Variants in GNG2 observed in about 807,000 individuals in gnomAD.
The protein encoded by GNG2 is guanine nucleotide-binding protein G(I)/G(S)/G(O) subunit gamma-2.
Under a neutral mutation model 5.5 loss-of-function variants are expected in GNG2, and 5 were observed. The observed-to-expected ratio is 0.91, with a 90% CI of 0.48 to 1.92. The LOEUF (loss-of-function observed/expected upper bound fraction) is 1.92. GNG2 is among the 30% of genes most tolerant of loss of function. The pLI is 0.01. For missense variants in GNG2, 55 were observed against 88.4 expected (o/e 0.62, Z 1.52); for synonymous variants, 28 against 32.0 (o/e 0.88, Z 0.42).
chr14:51,892,820 T>C (rs1406339433), intron 2 of GNG2, among the ~76,000 whole-genome samples: 1 of 152,198 alleles, frequency 6.6e-6, no homozygotes, highest in African/African-American at 2.4e-5. Flanking sequence ...ATTTATGAAA[T>C]TGTTATTTTA....
intron 2 of GNG2, chr14:51,940,406 A>T (rs1888248872): frequency 6.6e-6 from 1 of 152,118 alleles, no homozygotes; most frequent in South Asian, 2.1e-4. Flanking sequence ...CATACCCTTT[A>T]TCTCCAAGCT....
At chr14:51,904,893 G>A (rs952925812) in intron 2 of GNG2, among the ~76,000 whole-genome samples, 12 of 152,184 alleles carry the variant, frequency 7.9e-5, no homozygotes, top group Admixed American at 1.3e-4. Context: ...CAGTCGCTAC[G>A]TCTGCCTGAT....
Position 51,968,121 on chromosome 14 carries a change from A to G in GNG2, c.*1434A>G, listed in dbSNP as rs966330646. On this transcript the variant is annotated 3_prime_UTR_variant, in exon 4 of 4. Transcript: ENST00000556766. Reference sequence around the variant, plus strand: ...TTAGAGTCTCTCGGCCTTTATTTACAAATTCCTTGCAACTAGAGCGCTCCT... The same window carrying G: ...TTAGAGTCTCTCGGCCTTTATTTACGAATTCCTTGCAACTAGAGCGCTCCT... 1 of 152,086 alleles carries G rather than the reference A, an allele frequency of 6.6e-6. No homozygotes were observed. Among genetic ancestry groups the G allele is most frequent in the Non-Finnish European group, 1.5e-5 (1 of 68,020 alleles). The allele number at this position is 152,086 out of a possible 1,614,324, so 9.4% of individuals were successfully genotyped here.
At chr14:51,878,091 G>A (rs1268917051) in intron 2 of GNG2, 2 of 166,830 alleles carry the variant, frequency 1.2e-5, no homozygotes, top group East Asian at 1.8e-4. Flanking sequence ...AGCAGCAGCA[G>A]CAACAACAAC....
chr14:51,834,973 G>A (rs995846123), intron 2 of GNG2, among the ~76,000 whole-genome samples: 4 of 152,162 alleles, frequency 2.6e-5, no homozygotes, highest in East Asian at 1.9e-4. Flanking sequence ...TAAAAGAGCC[G>A]AGGGCTCTAA....
chr14:51,837,686 G>T (rs1482181813), intron 2 of GNG2, among the ~76,000 whole-genome samples: 1 of 151,960 alleles, frequency 6.6e-6, no homozygotes, highest in African/African-American at 2.4e-5. Context: ...AAATATAAAG[G>T]GAGCACAAGT....
At chr14:51,923,082 C>T (rs970103733) in intron 2 of GNG2, among the ~76,000 whole-genome samples, 7 of 151,998 alleles carry the variant, frequency 4.6e-5, no homozygotes, top group African/African-American at 1.2e-4. Flanking sequence ...CACAAAATAC[C>T]GTTATTTAAA....
chr14:51,950,621 T>G (rs1888916210), intron 2 of GNG2, 29 bp from the exon 3 acceptor site: 2 of 1,344,692 alleles, frequency 1.5e-6, no homozygotes, highest in African/African-American at 1.5e-5. Flanking sequence ...AATTCTCTGG[T>G]ACAATCTTCT....
chr14:51,932,073 C>T (rs1035617213), intron 2 of GNG2, among the ~76,000 whole-genome samples: 4 of 151,550 alleles, frequency 2.6e-5, no homozygotes, highest in Non-Finnish European at 5.9e-5. Flanking sequence ...GGTGAAACCC[C>T]GTCTCTACTA....
intron 2 of GNG2, among the ~76,000 whole-genome samples, chr14:51,843,588 A>AAC (rs1555347681): frequency 0.13 from 20,053 of 150,768 alleles, 1,598 homozygotes; most frequent in Non-Finnish European, 0.17. Context: ...AAAAAAAAAA[A>AAC]AAACTCAAAT....
intron 2 of GNG2, among the ~76,000 whole-genome samples, chr14:51,883,011 A>AAAAAAAAAAAAG (rs1278520742): frequency 2.0e-5 from 3 of 149,268 alleles, no homozygotes; most frequent in African/African-American, 4.9e-5. Flanking sequence ...CTCCATCTCA[A>AAAAAAAAAAAAG]AAAAAAAAAA....
chr14:51,841,497 A>C (rs1881481188), intron 2 of GNG2: 1 of 701,554 alleles, frequency 1.4e-6, no homozygotes, highest in African/African-American at 1.7e-5. Context: ...TTTTCTCTCC[A>C]TTTTACAGAC....
chr14:51,829,429 A>T (rs1259469604), intron 2 of GNG2, among the ~76,000 whole-genome samples: 1 of 152,166 alleles, frequency 6.6e-6, no homozygotes, highest in Non-Finnish European at 1.5e-5. Context: ...TCCAGAGCTC[A>T]TCATCATTAT....
At chr14:51,917,511 T>A (rs1018078969) in intron 2 of GNG2, 23 of 434,734 alleles carry the variant, frequency 5.3e-5, no homozygotes, top group South Asian at 1.5e-4. Context: ...TGTCTTTTTT[T>A]AAATCACTTA....
At chr14:51,877,025 C>T (rs1033317651) in intron 1 of GNG2, among the ~76,000 whole-genome samples, 2 of 152,142 alleles carry the variant, frequency 1.3e-5, no homozygotes, top group African/African-American at 4.8e-5. Context: ...GCCACTCTGC[C>T]TGATAGCCAC....
intron 2 of GNG2, among the ~76,000 whole-genome samples, chr14:51,900,756 C>T (rs1885493899): frequency 6.6e-6 from 1 of 151,922 alleles, no homozygotes; most frequent in Admixed American, 6.6e-5. Flanking sequence ...AAGTTCTTTC[C>T]AGCTGGCCTT....
intron 2 of GNG2, among the ~76,000 whole-genome samples, chr14:51,906,226 C>A (rs1215087522): frequency 3.9e-5 from 6 of 152,216 alleles, no homozygotes; most frequent in Non-Finnish European, 7.3e-5. Context: ...TTTCCTCCTG[C>A]CTCCTTCTTT....
At chr14:51,838,409 T>C (rs907605235) in intron 2 of GNG2, among the ~76,000 whole-genome samples, 4 of 150,864 alleles carry the variant, frequency 2.7e-5, no homozygotes, top group Non-Finnish European at 4.4e-5. Flanking sequence ...GCACCACTGC[T>C]CTCCAGCCTG....
chr14:51,872,488 T>G (rs10150721), intron 1 of GNG2, among the ~76,000 whole-genome samples: 61,533 of 152,068 alleles, frequency 0.4, 12,653 homozygotes, highest in South Asian at 0.47. Flanking sequence ...TTTTTTGTTG[T>G]TGTTTGAGGG....
Sources: gnomAD v4.1 joint callset for allele counts (sites outside exome capture counted in the v4.1 genomes callset) on GRCh38, gnomAD v4.1.1 for gene constraint, MANE v1.5 for transcripts, NCBI Gene and HGNC (gene_info 2026-07-23, HGNC 2026-07-21) for gene names.